IMMP2L: variants seen among roughly 807,000 people sequenced by gnomAD.
IMMP2L encodes inner mitochondrial membrane peptidase subunit 2.
In IMMP2L, 18 loss-of-function variants were observed where a neutral mutation model predicts 19.3. The observed-to-expected ratio is 0.93, with a 90% confidence interval of 0.64 to 1.38. The LOEUF (loss-of-function observed/expected upper bound fraction) is 1.38, where lower values mean the gene tolerates loss of function less well. Ranked by LOEUF, IMMP2L falls within the 40% of genes most tolerant of loss-of-function variation. The probability of loss-of-function intolerance (pLI) is 0.00; values close to 1 mark genes in which losing one functional copy is unlikely to be tolerated. For synonymous variants in IMMP2L, 76 were observed against 73.0 expected (o/e 1.04, Z -0.21); for missense variants, 233 against 218.2 (o/e 1.07, Z -0.43).
Position 111,478,731 on chromosome 7 carries a change from C to T in IMMP2L, c.239+8507G>A, listed in dbSNP as rs2132176357. On this transcript the variant is annotated intron_variant, in intron 3 of 5. Transcript: ENST00000405709. ...ATGACTCACCACACCTGGCCAATTA[C>T]AGTTATTTAATAGTCCATGTCTAAT... Among the ~76,000 whole-genome samples the T allele has an allele frequency of 2.0e-5, 3 of 152,200 alleles. No individual in the cohort carries two copies. The South Asian group carries it at 6.2e-4, about 32-fold the overall frequency.
rs568930331 is a variant in IMMP2L at position 111,207,519 on chromosome 7, T to C, written c.240-243954A>G. ...AGAGGCTTGCTTTCTTTCTTTCTTT[T>C]TCGTTTTATTTTTGGTTTTTTTTTT... On this transcript the variant is annotated intron_variant, in intron 3 of 5. Coordinates refer to ENST00000405709, the MANE Select transcript of IMMP2L (RefSeq NM_032549.4). Among the ~76,000 whole-genome samples, 916 of 150,896 alleles carry C rather than the reference T, an allele frequency of 6.1e-3. 7 individuals carry two copies. Among genetic ancestry groups the C allele is most frequent in the Non-Finnish European group, 8.9e-3 (605 of 67,846 alleles).
intron 3 of IMMP2L, among the ~76,000 whole-genome samples, chr7:111,365,420 C>T (rs78079308): frequency 0.024 from 3,651 of 152,170 alleles, 162 homozygotes; most frequent in African/African-American, 0.083. Flanking sequence ...TTTCACGCCA[C>T]GCTAGAGCAG....
intron 4 of IMMP2L, among the ~76,000 whole-genome samples, chr7:110,936,063 G>A (rs1585336598): frequency 6.6e-6 from 1 of 152,222 alleles, no homozygotes; most frequent in East Asian, 1.9e-4. Context: ...ATGGATTAAA[G>A]ACTTAAACGT....
chr7:110,918,615 T>C (rs1000312721), intron 4 of IMMP2L, among the ~76,000 whole-genome samples: 1 of 151,262 alleles, frequency 6.6e-6, no homozygotes, highest in African/African-American at 2.4e-5. Context: ...ACCACCACAG[T>C]TGGCTAATTT....
At chr7:111,547,407 T>A (rs138652095) in intron 1 of IMMP2L, among the ~76,000 whole-genome samples, 1 of 151,978 alleles carries the variant, frequency 6.6e-6, no homozygotes, top group Non-Finnish European at 1.5e-5. Context: ...TCTCACTTTA[T>A]CATAAAATCC....
chr7:111,166,913 A>T (rs2129608150), intron 3 of IMMP2L, among the ~76,000 whole-genome samples: 1 of 152,130 alleles, frequency 6.6e-6, no homozygotes, highest in East Asian at 1.9e-4. Context: ...ATAATCCAGG[A>T]TAATCTCATC....
intron 3 of IMMP2L, among the ~76,000 whole-genome samples, chr7:111,226,322 T>C (rs1813094954): frequency 6.6e-6 from 1 of 151,912 alleles, no homozygotes; most frequent in Non-Finnish European, 1.5e-5. Context: ...CCCAGCTACA[T>C]TTTATTTTAC....
intron 3 of IMMP2L, among the ~76,000 whole-genome samples, chr7:110,991,217 T>C (rs1242758071): frequency 6.6e-6 from 1 of 152,094 alleles, no homozygotes; most frequent in East Asian, 1.9e-4. Context: ...AGGTCAAAAA[T>C]GGCCCATGTC....
intron 5 of IMMP2L, among the ~76,000 whole-genome samples, chr7:110,859,978 T>C (rs1417291073): frequency 6.6e-6 from 1 of 152,106 alleles, no homozygotes; most frequent in Non-Finnish European, 1.5e-5. Context: ...GATGTTATAT[T>C]TTTAACCTAA....
chr7:110,936,153 A>T (rs1009950160), intron 4 of IMMP2L, among the ~76,000 whole-genome samples: 5 of 152,190 alleles, frequency 3.3e-5, no homozygotes, highest in African/African-American at 9.7e-5. Context: ...AGACTTCATG[A>T]CTAAAACACC....
At chr7:110,692,155 T>TA (rs1003818201) in intron 5 of IMMP2L, among the ~76,000 whole-genome samples, 266 of 152,144 alleles carry the variant, frequency 1.7e-3, no homozygotes, top group African/African-American at 6.3e-3. Flanking sequence ...TACTCAGCCA[T>TA]AAAAAGGAAC....
At chr7:110,737,565 C>T (rs1233586382) in intron 5 of IMMP2L, among the ~76,000 whole-genome samples, 1 of 152,208 alleles carries the variant, frequency 6.6e-6, no homozygotes, top group East Asian at 1.9e-4. Context: ...TCTGCTCCCA[C>T]CTGGTGGTCT....
chr7:111,445,946 G>A (rs562514335), intron 3 of IMMP2L, among the ~76,000 whole-genome samples: 8 of 152,260 alleles, frequency 5.3e-5, no homozygotes, highest in South Asian at 2.1e-4. Context: ...AAGGGGTGAT[G>A]GACGCACCTG....
intron 3 of IMMP2L, among the ~76,000 whole-genome samples, chr7:111,243,194 T>C (rs1815354912): frequency 1.3e-5 from 2 of 152,054 alleles, no homozygotes; most frequent in Non-Finnish European, 2.9e-5. Flanking sequence ...CATTCAATCA[T>C]TCCCAAGATA....
rs149940107 is a variant in IMMP2L at position 110,969,640 on chromosome 7, G to A, written c.240-6075C>T. On this transcript the variant is annotated intron_variant, in intron 3 of 5. Coordinates refer to ENST00000405709, the MANE Select transcript of IMMP2L (RefSeq NM_032549.4). ...CATGGGAAAGGAAACCTCAGGCAGG[G>A]GCTGAAGATTTTTAAGTGTATAGAA... Among the ~76,000 whole-genome samples, 294 of 152,132 alleles carry A rather than the reference G, an allele frequency of 1.9e-3. 3 individuals carry two copies. Among genetic ancestry groups the A allele is most frequent in the African/African-American group, 6.8e-3 (284 of 41,516 alleles).
At chr7:111,257,986 G>A (rs1374555805) in intron 3 of IMMP2L, among the ~76,000 whole-genome samples, 1 of 150,646 alleles carries the variant, frequency 6.6e-6, no homozygotes, top group East Asian at 1.9e-4. Flanking sequence ...CTGTGTCTAT[G>A]TGTTTTCATT....
At chr7:110,704,955 C>A (rs1026027998) in intron 5 of IMMP2L, among the ~76,000 whole-genome samples, 2 of 152,048 alleles carry the variant, frequency 1.3e-5, no homozygotes, top group African/African-American at 4.8e-5. Context: ...GATGAAATCA[C>A]CTCTGTTTGA....
chr7:111,010,191 C>T (rs1824784687), intron 3 of IMMP2L, among the ~76,000 whole-genome samples: 1 of 152,088 alleles, frequency 6.6e-6, no homozygotes, highest in Non-Finnish European at 1.5e-5. Context: ...CATTCTGCTT[C>T]CTTTCTTAGT....
chr7:111,193,286 G>A (rs1037139797), intron 3 of IMMP2L, among the ~76,000 whole-genome samples: 1 of 152,136 alleles, frequency 6.6e-6, no homozygotes, highest in African/African-American at 2.4e-5. Context: ...CAGAACAAGG[G>A]CGTGGCAGAA....
Sources: gnomAD v4.1 joint callset for allele counts (sites outside exome capture counted in the v4.1 genomes callset) on GRCh38, gnomAD v4.1.1 for gene constraint, MANE v1.5 for transcripts, NCBI Gene and HGNC (gene_info 2026-07-23, HGNC 2026-07-21) for gene names.